Variants in STMP1 observed in about 807,000 individuals in gnomAD.
STMP1 encodes mitolamban.
A neutral mutation model predicts 7.0 loss-of-function variants in STMP1; 7 were observed. That is an observed-to-expected ratio of 1.01 (90% CI 0.57 to 1.89). STMP1 has a LOEUF of 1.89. Among genes scored for constraint, STMP1 ranks in the 40% most tolerant of loss-of-function variants. STMP1 has a pLI of 0.00. For synonymous variants in STMP1, 19 were observed against 18.4 expected (o/e 1.03, Z -0.08); for missense variants, 45 against 53.0 (o/e 0.85, Z 0.47).
rs769731863 is a variant in STMP1, at chr7:135,672,773, C to T, written c.36C>T (p.Asn12=). 36 of 1,551,334 alleles carry T rather than the reference C, an allele frequency of 2.3e-5. No homozygotes were observed. Among genetic ancestry groups the T allele is most frequent in the Middle Eastern group, 1.7e-4 (1 of 6,014 alleles). Residue 12 remains asparagine, a synonymous_variant, in exon 2 of 3, where the codon AAC becomes AAT. Coordinates refer to ENST00000507606, the MANE Select transcript of STMP1 (RefSeq NM_001130929.2). ...LQFLLGFTLG[N]VVGMYLAQNY... is the part of the protein sequence containing the mutation. ...TTCAGCTTGGATTTACACTGGGCAA[C>T]GTGGTTGGAATGTATCTGGCTCAGA...
chr7:135,672,218 G>C (rs188427595), intron 1 of STMP1, among the ~76,000 whole-genome samples: 2 of 152,312 alleles, frequency 1.3e-5, no homozygotes, highest in East Asian at 3.9e-4. Context: ...GACCTCAAGT[G>C]ATCTACCACT....
chr7:135,667,601 A>G (rs868672677), intron 1 of STMP1, among the ~76,000 whole-genome samples: 1 of 152,172 alleles, frequency 6.6e-6, no homozygotes, highest in Non-Finnish European at 1.5e-5. Flanking sequence ...TATCAGATAT[A>G]TATTTGAAAA....
chr7:135,673,139 A>G, intron 2 of STMP1: 1 of 317,262 alleles, frequency 3.2e-6, no homozygotes, highest in Non-Finnish European at 5.8e-6. Context: ...TTAAAAATTA[A>G]TTGGATAATA....
rs184107147 is a variant in STMP1 at position 135,662,725 on chromosome 7, C to G, written c.15+131C>G. ...CCAGCGGTCCCTTCGTCCCCCGCGC[C>G]TGGTCGTCGCCTCGCAGGGCGGCCG... On this transcript the variant is annotated intron_variant, in intron 1 of 2. Coordinates refer to ENST00000507606, the MANE Select transcript of STMP1 (RefSeq NM_001130929.2). The G allele has an allele frequency of 5.6e-6, 6 of 1,071,416 alleles. No homozygotes were observed. The East Asian group carries it at 1.8e-4, about 33-fold the overall frequency. 66.4% of individuals were successfully genotyped at this position (1,071,416 alleles called of 1,614,324 possible).
chr7:135,672,957 T>G, intron 2 of STMP1, 151 bp downstream of exon 2: 1 of 663,684 alleles, frequency 1.5e-6, no homozygotes, highest in Non-Finnish European at 2.6e-6. Flanking sequence ...TTGCCATTGT[T>G]TGAAAAAGTA....
intron 2 of STMP1, 52 bp from the exon 3 acceptor site, chr7:135,674,039 G>T: frequency 8.7e-7 from 1 of 1,145,720 alleles, no homozygotes; most frequent in Non-Finnish European, 1.3e-6. Context: ...AGAAGTACAA[G>T]AATATTGATT....
chr7:135,662,694 G>T, intron 1 of STMP1, 100 bp downstream of exon 1: 1 of 1,417,176 alleles, frequency 7.1e-7, no homozygotes, highest in South Asian at 1.3e-5. Context: ...CGGCCTGGGC[G>T]TGGGTCCAGC....
At chr7:135,667,217 T>C (rs1438066338) in intron 1 of STMP1, among the ~76,000 whole-genome samples, 3 of 152,244 alleles carry the variant, frequency 2.0e-5, no homozygotes, top group African/African-American at 7.2e-5. Flanking sequence ...TTTATTTTAT[T>C]TATTTATTTT....
chr7:135,665,292 G>A (rs1384940886), intron 1 of STMP1, among the ~76,000 whole-genome samples: 1 of 152,158 alleles, frequency 6.6e-6, no homozygotes, highest in African/African-American at 2.4e-5. Context: ...GTGATTTGTG[G>A]ACAGTTTGAA....
At position 135,662,570 on chromosome 7, in the gene STMP1, C is replaced by T. The variant is rs754395600; in HGVS notation, c.-10C>T. 5.2e-6 allele frequency: 8 copies of T among 1,548,594 alleles called. No homozygotes were observed. The highest frequency in any genetic ancestry group is 1.2e-5 in the South Asian group (1 of 83,918). On this transcript the variant is annotated 5_prime_UTR_variant, in exon 1 of 3. Coordinates refer to ENST00000507606, the MANE Select transcript of STMP1 (RefSeq NM_001130929.2). The stretch of plus-strand genomic sequence containing the variant: ...TCCTTCGCGCCCTCCTCGCCCTCCC[C>T]ACCGACATCATGCTCCAGTTCCTGG...
rs1369469568 is a variant in STMP1 at position 135,662,597 on chromosome 7, G to A, written c.15+3G>A. 3 of 1,547,898 alleles carry A rather than the reference G, an allele frequency of 1.9e-6. No homozygotes were observed. Among genetic ancestry groups the A allele is most frequent in the Non-Finnish European group, 2.6e-6 (3 of 1,145,542 alleles). ...CCGACATCATGCTCCAGTTCCTGGT[G>A]AGTGGAGCTGCCGAAGAGCGGGGCC... On this transcript the variant is annotated splice_donor_region_variant and intron_variant, in intron 1 of 2. Transcript: ENST00000507606.
chr7:135,674,231 C>A lies in STMP1; in HGVS notation c.*66C>A. ...TGCTCTTGAGGGCCTCGTTTACTAT[C>A]TGAACCAAAAGCTTTTGTTTTCGTC... On this transcript the variant is annotated 3_prime_UTR_variant, in exon 3 of 3. Transcript: ENST00000507606. 8.2e-7 allele frequency: 1 copy of A among 1,215,148 alleles called. No homozygotes were observed. Among genetic ancestry groups the A allele is most frequent in the Non-Finnish European group, 1.1e-6 (1 of 871,042 alleles). 75.3% of individuals were successfully genotyped at this position (1,215,148 alleles called of 1,614,324 possible).
Position 135,664,737 on chromosome 7 carries a change from C to CT in STMP1, c.15+2153dup, listed in dbSNP as rs199827049. ...CACCCTCTGGTCTTCCACCTCATTG[C>CT]TTTTTTTTTTAAATAAGTGGATAGC... On this transcript the variant is annotated intron_variant, in intron 1 of 2. Coordinates refer to ENST00000507606, the MANE Select transcript of STMP1 (RefSeq NM_001130929.2). 5.6e-4 allele frequency among the ~76,000 whole-genome samples: 84 copies of CT among 148,842 alleles called. 1 individual carries two copies. Among genetic ancestry groups the CT allele is most frequent in the African/African-American group, 8.9e-4 (36 of 40,668 alleles).
chr7:135,667,718 G>C (rs183408514), intron 1 of STMP1, among the ~76,000 whole-genome samples: 1 of 149,166 alleles, frequency 6.7e-6, no homozygotes, highest in Non-Finnish European at 1.5e-5. Context: ...TTGGTTACTT[G>C]TACTTTTGGT....
At chr7:135,671,769 G>A (rs1795359321) in intron 1 of STMP1, among the ~76,000 whole-genome samples, 1 of 152,090 alleles carries the variant, frequency 6.6e-6, no homozygotes, top group South Asian at 2.1e-4. Flanking sequence ...TGCTCTCAGT[G>A]GTGTGTCAGA....
At chr7:135,672,512 CTTATG>C (rs1795366991) in intron 1 of STMP1, among the ~76,000 whole-genome samples, 1 of 151,706 alleles carries the variant, frequency 6.6e-6, no homozygotes, top group South Asian at 2.1e-4. Context: ...TTATTTTTTT[CTTATG>C]TTTGGTTGGT....
chr7:135,664,385 TTG>T (rs1584704674), intron 1 of STMP1, among the ~76,000 whole-genome samples: 1 of 151,316 alleles, frequency 6.6e-6, no homozygotes, highest in East Asian at 1.9e-4. Context: ...AGGTTTCTCT[TTG>T]TCACCTAGGC....
At chr7:135,666,674 C>T (rs1003560240) in intron 1 of STMP1, among the ~76,000 whole-genome samples, 1 of 152,104 alleles carries the variant, frequency 6.6e-6, no homozygotes, top group African/African-American at 2.4e-5. Flanking sequence ...TCCATTTCCT[C>T]ATTTATTTAG....
intron 1 of STMP1, 125 bp downstream of exon 1, chr7:135,662,719 C>A: frequency 1.7e-6 from 2 of 1,155,446 alleles, no homozygotes; most frequent in Non-Finnish European, 2.4e-6. Context: ...CCTTCGTCCC[C>A]CGCGCCTGGT....
Sources: allele counts gnomAD v4.1 joint callset (sites outside exome capture counted in the v4.1 genomes callset), GRCh38; gene constraint gnomAD v4.1.1; transcripts MANE v1.5; gene names NCBI Gene and HGNC (gene_info 2026-07-23, HGNC 2026-07-21).